The following DNM3 variants were observed in gnomAD, a reference collection of about 807,000 sequenced individuals.
DNM3 encodes dynamin-3.
DNM3 carries 47 observed loss-of-function variants against 101.6 expected under a neutral mutation model. The observed-to-expected ratio is 0.46, with a 90% confidence interval of 0.37 to 0.59. The LOEUF (loss-of-function observed/expected upper bound fraction) is 0.59. Ranked by LOEUF, DNM3 falls within the 20% of genes least tolerant of loss-of-function variation. The pLI, the probability that DNM3 is intolerant of heterozygous loss-of-function variation, is 0.00. For synonymous variants in DNM3, 385 were observed against 387.9 expected (o/e 0.99, Z 0.09); for missense variants, 849 against 1,085.7 (o/e 0.78, Z 3.06).
chr1:171,847,598 G>A (rs993993576), intron 1 of DNM3, among the ~76,000 whole-genome samples: 11 of 152,308 alleles, frequency 7.2e-5, no homozygotes, highest in African/African-American at 2.4e-4. Flanking sequence ...TTAATTGAGA[G>A]TGGGATGGAT....
At chr1:171,965,612 A>G (rs557579306) in intron 2 of DNM3, among the ~76,000 whole-genome samples, 2 of 151,858 alleles carry the variant, frequency 1.3e-5, no homozygotes, top group Non-Finnish European at 2.9e-5. Context: ...ATGAATAGCC[A>G]GAAGAAGTAC....
chr1:171,862,941 C>A (rs1164852423), intron 1 of DNM3, among the ~76,000 whole-genome samples: 2 of 151,720 alleles, frequency 1.3e-5, no homozygotes, highest in Admixed American at 1.3e-4. Context: ...GTTGGGAAGC[C>A]TTACTGGAGT....
chr1:172,169,759 T>G (rs1370744117), intron 14 of DNM3, among the ~76,000 whole-genome samples: 1 of 151,954 alleles, frequency 6.6e-6, no homozygotes, highest in Non-Finnish European at 1.5e-5. Context: ...ATTATTCCAT[T>G]TACTGGCTGA....
At chr1:172,093,938 T>C (rs2054083010) in intron 13 of DNM3, among the ~76,000 whole-genome samples, 1 of 152,228 alleles carries the variant, frequency 6.6e-6, no homozygotes, top group African/African-American at 2.4e-5. Flanking sequence ...TTGAAAGGTA[T>C]GAACTAGTAA....
At chr1:172,181,297 A>G (rs1269824947) in intron 14 of DNM3, among the ~76,000 whole-genome samples, 1 of 151,882 alleles carries the variant, frequency 6.6e-6, no homozygotes, top group Non-Finnish European at 1.5e-5. Context: ...GAAAACAAGG[A>G]ACACAAATAT....
intron 20 of DNM3, among the ~76,000 whole-genome samples, chr1:172,394,897 G>C (rs897119379): frequency 4.6e-5 from 7 of 152,186 alleles, no homozygotes; most frequent in Admixed American, 3.9e-4. Context: ...GTTTTGCCCA[G>C]TGTAAGCAGA....
chr1:171,890,960 C>T (rs1400545692), intron 1 of DNM3, among the ~76,000 whole-genome samples: 1 of 152,170 alleles, frequency 6.6e-6, no homozygotes, highest in African/African-American at 2.4e-5. Flanking sequence ...GAGCCACTGG[C>T]ACCCAACTGG....
chr1:171,933,224 C>T (rs1444113180), intron 2 of DNM3, among the ~76,000 whole-genome samples: 1 of 152,094 alleles, frequency 6.6e-6, no homozygotes, highest in Non-Finnish European at 1.5e-5. Context: ...TCTCATGTGA[C>T]CGTAGACTTG....
intron 11 of DNM3, among the ~76,000 whole-genome samples, chr1:172,073,298 A>C (rs559611634): frequency 1.8e-3 from 140 of 76,862 alleles, no homozygotes; most frequent in African/African-American, 3.6e-3. Flanking sequence ...TACACATATA[A>C]GTATATGTGT....
chr1:172,155,333 A>G (rs2148255533), intron 14 of DNM3, among the ~76,000 whole-genome samples: 1 of 151,988 alleles, frequency 6.6e-6, no homozygotes, highest in Admixed American at 6.6e-5. Context: ...AAGATCAGGA[A>G]GATCATAACA....
chr1:172,366,213 G>A lies in DNM3; in HGVS notation c.1894-12805G>A, dbSNP rs1167475068. 5.9e-5 allele frequency among the ~76,000 whole-genome samples: 9 copies of A among 151,840 alleles called. No homozygotes were observed. In the South Asian group the frequency reaches 6.2e-4, roughly 11 times the overall value. ...ATGACTGCAGCCTGGGCAACAGAGCGAGGCCCTTTTTCTAAAAAAAGTAAA... is the reference window on the plus strand; with the variant it reads ...ATGACTGCAGCCTGGGCAACAGAGCAAGGCCCTTTTTCTAAAAAAAGTAAA... On this transcript the variant is annotated intron_variant, in intron 17 of 20. Coordinates refer to ENST00000627582, the MANE Select transcript of DNM3 (RefSeq NM_015569.5).
chr1:171,914,141 G>GT (rs2039520616), intron 1 of DNM3, among the ~76,000 whole-genome samples: 1 of 151,930 alleles, frequency 6.6e-6, no homozygotes, highest in Admixed American at 6.6e-5. Context: ...AGATTTCTCT[G>GT]TTTTTTGGTT....
intron 1 of DNM3, among the ~76,000 whole-genome samples, chr1:171,854,284 C>T (rs961925188): frequency 6.6e-6 from 1 of 152,132 alleles, no homozygotes; most frequent in African/African-American, 2.4e-5. Flanking sequence ...CCTCAGCTTC[C>T]TCATTGGTAC....
At chr1:172,297,818 T>C (rs2064238756) in intron 15 of DNM3, among the ~76,000 whole-genome samples, 1 of 152,176 alleles carries the variant, frequency 6.6e-6, no homozygotes, top group African/African-American at 2.4e-5. Flanking sequence ...TTCCACCTGA[T>C]TGTACTTTTG....
chr1:172,091,630 A>G, intron 12 of DNM3, among the ~76,000 whole-genome samples: 1 of 152,166 alleles, frequency 6.6e-6, no homozygotes, highest in African/African-American at 2.4e-5. Context: ...GGTGAAGGGT[A>G]GGAGGAGATG....
intron 13 of DNM3, among the ~76,000 whole-genome samples, chr1:172,121,437 G>A (rs1347571939): frequency 1.8e-4 from 27 of 152,232 alleles, no homozygotes. Context: ...TCAAGATAGT[G>A]CGGAAGCCTA....
intron 1 of DNM3, among the ~76,000 whole-genome samples, chr1:171,866,685 C>CT (rs1558185039): frequency 6.6e-6 from 1 of 151,650 alleles, no homozygotes. Flanking sequence ...ATATGCTTTT[C>CT]TTTTTTTTAA....
intron 14 of DNM3, among the ~76,000 whole-genome samples, chr1:172,211,462 A>G (rs2060511401): frequency 6.6e-6 from 1 of 152,168 alleles, no homozygotes; most frequent in Non-Finnish European, 1.5e-5. Context: ...CCATTGCCAC[A>G]GGCGTGAACT....
chr1:172,109,315 G>A (rs886878639), intron 13 of DNM3, among the ~76,000 whole-genome samples: 1 of 152,190 alleles, frequency 6.6e-6, no homozygotes, highest in Non-Finnish European at 1.5e-5. Context: ...AGGAGGAAAA[G>A]GGAAAAGGAG....
Sources: gnomAD v4.1 joint callset for allele counts (sites outside exome capture counted in the v4.1 genomes callset) on GRCh38, gnomAD v4.1.1 for gene constraint, MANE v1.5 for transcripts, NCBI Gene and HGNC (gene_info 2026-07-23, HGNC 2026-07-21) for gene names.